The following ZMYM6 variants were observed in gnomAD, a reference collection of about 807,000 sequenced individuals.
ZMYM6 encodes zinc finger MYM-type containing 6.
A neutral mutation model predicts 134.0 loss-of-function variants in ZMYM6; 90 were observed. That is an observed-to-expected ratio of 0.67 (90% CI 0.57 to 0.80). The LOEUF (loss-of-function observed/expected upper bound fraction) is 0.80, where lower values mean the gene tolerates loss of function less well. Among genes scored for constraint, ZMYM6 ranks in the 30% least tolerant of loss-of-function variants. ZMYM6 has a pLI of 0.00. For missense variants in ZMYM6, 1,362 were observed against 1,533.9 expected (o/e 0.89, Z 1.87); for synonymous variants, 481 against 524.1 (o/e 0.92, Z 1.12).
chr1:35,011,166 G>C, intron 8 of ZMYM6, 130 bp from the exon 9 acceptor site: 1 of 945,124 alleles, frequency 1.1e-6, no homozygotes, highest in Admixed American at 2.9e-5. Flanking sequence ...CTCACAGAAA[G>C]AGTTTAAATG....
At chr1:35,003,762 C>T in intron 14 of ZMYM6, 1 of 512,120 alleles carries the variant, frequency 2.0e-6, no homozygotes, top group East Asian at 3.7e-5. Context: ...ACATTTACAT[C>T]ATCTTCAAAA....
intron 6 of ZMYM6, among the ~76,000 whole-genome samples, chr1:35,014,403 C>G (rs12091063): frequency 0.24 from 36,131 of 152,086 alleles, 10,466 homozygotes; most frequent in African/African-American, 0.68. Context: ...AGGAGTTCAA[C>G]ACCGGCCTGA....
rs137917202 is a variant in ZMYM6, at chr1:35,026,921, A to C, written c.93+3626T>G. On this transcript the variant is annotated intron_variant, in intron 2 of 15. Coordinates refer to ENST00000357182, the MANE Select transcript of ZMYM6 (RefSeq NM_007167.4). The stretch of plus-strand genomic sequence containing the variant: ...TCTAGTGTGTCAATGAAAGATGAGG[A>C]GGAGATGGCCAGATTAGTATAATCA... Among the ~76,000 whole-genome samples the C allele has an allele frequency of 2.6e-5, 4 of 152,310 alleles. No individual in the cohort carries two copies. The East Asian group carries it at 7.7e-4, about 29-fold the overall frequency.
In ZMYM6 at chr1:35,005,171, C is replaced by T; in HGVS notation, c.1915G>A (p.Ala639Thr). The T allele has an allele frequency of 6.2e-7, 1 of 1,614,160 alleles. No homozygotes were observed. Among genetic ancestry groups the T allele is most frequent in the Non-Finnish European group, 8.5e-7 (1 of 1,180,016 alleles). The part of the protein sequence containing the change: ...TSVMSLAKIP[A>T]TLSTGNTNSV... ...TTAGTGTTCCCTGTAGATAAGGTAGCAGGTATTTTTGCCAATGACATCACA... is the reference window on the plus strand; with the variant it reads ...TTAGTGTTCCCTGTAGATAAGGTAGTAGGTATTTTTGCCAATGACATCACA... The change falls in exon 13 of 16, where the codon GCT (alanine) becomes ACT (threonine). Residue 639 changes from alanine to threonine, a missense_variant. Ala to Thr is a moderately conservative substitution (Grantham distance 58). This residue lies in a region of ZMYM6 where 824 missense variants were observed against 940.9 expected (regional missense o/e 0.88). Transcript: ENST00000357182.
intron 2 of ZMYM6, among the ~76,000 whole-genome samples, chr1:35,026,455 C>T (rs1207729583): frequency 6.6e-6 from 1 of 152,124 alleles, no homozygotes; most frequent in Non-Finnish European, 1.5e-5. Flanking sequence ...ACAATTTGTT[C>T]AATTGGCTTT....
At chr1:35,016,998 G>A (rs954702860) in intron 4 of ZMYM6, among the ~76,000 whole-genome samples, 8 of 150,238 alleles carry the variant, frequency 5.3e-5, no homozygotes, top group African/African-American at 9.8e-5. Flanking sequence ...GAGTGAGACC[G>A]TGTCTCAAAA....
In ZMYM6 at chr1:35,015,743, A is replaced by AAAAAAAAATAT; in HGVS notation, c.429-582_429-581insATATTTTTTTT. ...CATCTCAAAAAAAAAAAAAAAAAAA[A>AAAAAAAAATAT]ATATATATATATATATATGTGGCCA... On this transcript the variant is annotated intron_variant, in intron 4 of 15. Transcript: ENST00000357182. Among the ~76,000 whole-genome samples, 97 of 106,426 alleles carry AAAAAAAAATAT rather than the reference A, an allele frequency of 9.1e-4. 2 individuals carry two copies. Among genetic ancestry groups the AAAAAAAAATAT allele is most frequent in the African/African-American group, 5.1e-3 (77 of 15,140 alleles). The allele number at this position is 106,426 out of a possible 152,430, so 69.8% of individuals were successfully genotyped here.
At chr1:35,020,266 G>T in intron 3 of ZMYM6, 117 bp downstream of exon 3, 2 of 899,988 alleles carry the variant, frequency 2.2e-6, no homozygotes, top group Non-Finnish European at 3.2e-6. Flanking sequence ...CTCACAGTTT[G>T]AAAAAACACA....
At chr1:34,995,912 T>C (rs1454897434) in intron 14 of ZMYM6, among the ~76,000 whole-genome samples, 1 of 152,202 alleles carries the variant, frequency 6.6e-6, no homozygotes, top group Non-Finnish European at 1.5e-5. Context: ...TGGAGGTCCA[T>C]TTACATAACA....
chr1:35,023,549 G>A (rs1237780722), intron 2 of ZMYM6, among the ~76,000 whole-genome samples: 1 of 151,224 alleles, frequency 6.6e-6, no homozygotes, highest in Non-Finnish European at 1.5e-5. Flanking sequence ...ATTGACACTT[G>A]CAAAATGAAG....
In ZMYM6 at chr1:35,020,418, A is replaced by G; in HGVS notation, c.143T>C (p.Ile48Thr). 1 of 1,612,612 alleles carries G rather than the reference A, an allele frequency of 6.2e-7. No homozygotes were observed. Among genetic ancestry groups the G allele is most frequent in the South Asian group, 1.1e-5 (1 of 90,988 alleles). ...CTCATTAACTGAAGACACACCACCA[A>G]TTTTCAATTTACTTTCTTGAGTTTT... ...QPKTQESKLK[I>T]GGVSSVNERP... Residue 48 changes from isoleucine to threonine, a missense_variant, in exon 3 of 16, where the codon ATT becomes ACT. Ile to Thr is a moderately conservative substitution (Grantham distance 89). Around this residue, in one of 3 missense-constraint regions of ZMYM6, gnomAD observed 503 missense variants for 520.8 expected, o/e 0.97. Transcript: ENST00000357182.
At chr1:35,024,091 G>T (rs4609395) in intron 2 of ZMYM6, among the ~76,000 whole-genome samples, 32,743 of 151,928 alleles carry the variant, frequency 0.22, 8,399 homozygotes, top group African/African-American at 0.61. Flanking sequence ...TGTTTCAATT[G>T]CACCAGGTAA....
At chr1:35,014,169 A>G (rs1006176127) in intron 6 of ZMYM6, among the ~76,000 whole-genome samples, 12 of 152,254 alleles carry the variant, frequency 7.9e-5, no homozygotes, top group Non-Finnish European at 1.6e-4. Flanking sequence ...TCCCAAACAC[A>G]TTTTGAAATG....
intron 14 of ZMYM6, among the ~76,000 whole-genome samples, chr1:34,998,454 T>G (rs2148446386): frequency 6.6e-6 from 1 of 152,306 alleles, no homozygotes; most frequent in South Asian, 2.1e-4. Flanking sequence ...ATTGAAGGTT[T>G]TTGAGCGGAG....
chr1:35,009,328 T>G (rs1379996276), intron 10 of ZMYM6, among the ~76,000 whole-genome samples: 1 of 152,174 alleles, frequency 6.6e-6, no homozygotes, highest in African/African-American at 2.4e-5. Flanking sequence ...GGTCTCAAAC[T>G]CCTGACCTCA....
intron 1 of ZMYM6, 180 bp from the exon 2 acceptor site, chr1:35,030,893 A>C (rs1641510112): frequency 4.2e-6 from 2 of 477,508 alleles, no homozygotes; most frequent in Non-Finnish European, 7.3e-6. Context: ...ATAAGAAAAC[A>C]GTTTTGGGGC....
intron 8 of ZMYM6, 135 bp downstream of exon 8, chr1:35,011,755 C>T: frequency 4.1e-6 from 2 of 491,944 alleles, no homozygotes; most frequent in Non-Finnish European, 6.7e-6. Flanking sequence ...CTGGTTGGGC[C>T]CCTGGATGAA....
chr1:35,009,763 C>T (rs922062451), intron 10 of ZMYM6, among the ~76,000 whole-genome samples: 1 of 151,724 alleles, frequency 6.6e-6, no homozygotes, highest in Admixed American at 6.6e-5. Flanking sequence ...TGAAACCCCC[C>T]GTCTCTACCA....
intron 13 of ZMYM6, among the ~76,000 whole-genome samples, chr1:35,004,668 C>A (rs960662177): frequency 6.6e-6 from 1 of 152,034 alleles, no homozygotes; most frequent in Non-Finnish European, 1.5e-5. Flanking sequence ...CCCATCCACA[C>A]CACCTTGCTT....
Sources: gnomAD v4.1 joint callset for allele counts (sites outside exome capture counted in the v4.1 genomes callset) on GRCh38, gnomAD v4.1.1 for gene constraint, gnomAD v4.1.1 regional missense constraint, MANE v1.5 for transcripts, NCBI Gene and HGNC (gene_info 2026-07-23, HGNC 2026-07-21) for gene names.